FAM120B: variants seen among roughly 807,000 people sequenced by gnomAD.
FAM120B encodes the protein constitutive coactivator of peroxisome proliferator-activated receptor gamma.
A neutral mutation model predicts 96.3 loss-of-function variants in FAM120B; 83 were observed. The ratio of observed to expected loss-of-function variants is 0.86; its 90% confidence interval spans 0.72 to 1.03. The LOEUF is 1.03. Among genes scored for constraint, FAM120B ranks in the 50% least tolerant of loss-of-function variants. FAM120B has a pLI of 0.00. For synonymous variants in FAM120B, 407 were observed against 402.7 expected (o/e 1.01, Z -0.13); for missense variants, 1,027 against 1,121.2 (o/e 0.92, Z 1.20).
chr6:170,326,607 G>A (rs766325375), intron 3 of FAM120B, among the ~76,000 whole-genome samples: 21 of 152,118 alleles, frequency 1.4e-4, no homozygotes, highest in Admixed American at 7.9e-4. Context: ...CACAGTCCCC[G>A]TCACAACTAC....
rs1371014614 is a variant in FAM120B, at chr6:170,373,594, T to C, written c.2284-14693T>C. 3.9e-5 allele frequency among the ~76,000 whole-genome samples: 6 copies of C among 152,314 alleles called. No individual in the cohort carries two copies. In the East Asian group the frequency reaches 1.2e-3, roughly 29 times the overall value. ...TGATTAGTAATTTGAAAATTGGTCT[T>C]TGTTACCAAGCTTTTCACAAGTCCC... On this transcript the variant is annotated intron_variant, in intron 6 of 10. Transcript: ENST00000476287.
At position 170,323,033 on chromosome 6, in the gene FAM120B, A is replaced by G. The variant is rs78865601; in HGVS notation, c.1735-46A>G. The G allele has an allele frequency of 2.8e-3, 4,240 of 1,527,234 alleles. 102 individuals carry two copies. In the African/African-American group the frequency reaches 0.053, roughly 19 times the overall value. The allele number at this position is 1,527,234 out of a possible 1,614,324, so 94.6% of individuals were successfully genotyped here. A position where few individuals can be genotyped will look rare whatever the true frequency, so the allele number is the denominator to read the frequency against. Reference sequence around the variant, plus strand: ...TGACTTTTTCTATTTGAAGGTTACTATCCTGTTTTTAAGGAGAAATTCAGT... The same window carrying G: ...TGACTTTTTCTATTTGAAGGTTACTGTCCTGTTTTTAAGGAGAAATTCAGT... On this transcript the variant is annotated intron_variant, in intron 2 of 10. Transcript: ENST00000476287.
chr6:170,337,521 G>C (rs897454896), intron 4 of FAM120B, among the ~76,000 whole-genome samples: 1 of 152,050 alleles, frequency 6.6e-6, no homozygotes, highest in Non-Finnish European at 1.5e-5. Context: ...GCCAGTTTTG[G>C]TATCAGGATG....
intron 8 of FAM120B, among the ~76,000 whole-genome samples, chr6:170,391,403 C>T (rs751189305): frequency 6.6e-5 from 10 of 152,050 alleles, no homozygotes; most frequent in Admixed American, 1.3e-4. Context: ...GGCGTGTTGG[C>T]GGGCGCCTGT....
intron 7 of FAM120B, among the ~76,000 whole-genome samples, chr6:170,390,535 A>G (rs892984964): frequency 1.3e-5 from 2 of 151,756 alleles, no homozygotes; most frequent in African/African-American, 4.8e-5. Flanking sequence ...CTTGAAGGAA[A>G]GGTTGAATGT....
At chr6:170,357,414 T>A (rs1369824061) in intron 5 of FAM120B, among the ~76,000 whole-genome samples, 1 of 152,198 alleles carries the variant, frequency 6.6e-6, no homozygotes, top group Non-Finnish European at 1.5e-5. Flanking sequence ...CTCCATCATC[T>A]ACTCCACACC....
intron 6 of FAM120B, among the ~76,000 whole-genome samples, chr6:170,361,240 G>GTGTA (rs1562567312): frequency 2.3e-5 from 1 of 42,652 alleles, no homozygotes; most frequent in African/African-American, 7.9e-5. Flanking sequence ...ATATATACAC[G>GTGTA]TATATATATA....
chr6:170,395,540 C>T lies in FAM120B; in HGVS notation c.2653C>T (p.Arg885Cys), dbSNP rs1197721716. 3 of 1,600,404 alleles carry T rather than the reference C, an allele frequency of 1.9e-6. No homozygotes were observed. Among genetic ancestry groups the T allele is most frequent in the African/African-American group, 1.3e-5 (1 of 74,734 alleles). ...CCACAGGACGGGCTCTGGGTATAGC[C>T]GTTCCAGTCAGGGACAGCCGTGGAG... ...SYHRTGSGYS[R>C]SSQGQPWRDQ... is the part of the protein sequence containing the mutation. Residue 885 changes from arginine (R) to cysteine (C), a missense_variant, in exon 9 of 11, where the codon CGT (arginine) becomes TGT (cysteine). Transcript: ENST00000476287.
intron 3 of FAM120B, among the ~76,000 whole-genome samples, chr6:170,324,877 A>T (rs1785496534): frequency 6.6e-6 from 1 of 152,228 alleles, no homozygotes; most frequent in Non-Finnish European, 1.5e-5. Context: ...TTAGTTTATG[A>T]TCCCATTTGT....
upstream of FAM120B, among the ~76,000 whole-genome samples, chr6:170,295,066 C>A (rs1401385865): frequency 2.0e-5 from 3 of 152,228 alleles, no homozygotes; most frequent in African/African-American, 7.2e-5. The surrounding 1 kb of genome is among the most constrained non-coding windows in gnomAD (Gnocchi z 7.8). Flanking sequence ...CATTCTCCTT[C>A]CGTCAGTTTT....
Position 170,317,866 on chromosome 6 carries a change from C to G in FAM120B, c.476C>G (p.Ala159Gly). Residue 159 changes from alanine to glycine, a missense_variant, in exon 2 of 11, where the codon GCA (alanine) becomes GGA (glycine). Physicochemically the swap from Ala to Gly is moderately conservative, Grantham distance 60. Transcript: ENST00000476287. Reference sequence around the variant, plus strand: ...GAAACTTTGTGTTCTTTGCAGGAAGCAGATTATGAGGTAGCTTCCTATGGC... The same window carrying G: ...GAAACTTTGTGTTCTTTGCAGGAAGGAGATTATGAGGTAGCTTCCTATGGC... ...GQETLCSLQE[A>G]DYEVASYGLQ... 6.2e-7 allele frequency: 1 copy of G among 1,614,212 alleles called. No homozygotes were observed. Among genetic ancestry groups the G allele is most frequent in the Non-Finnish European group, 8.5e-7 (1 of 1,180,038 alleles).
At position 170,388,357 on chromosome 6, in the gene FAM120B, T is replaced by C; in HGVS notation, c.2354T>C (p.Leu785Ser). ...GTCCGCGGCCTCACCACTCTGGTTT[T>C]AGTCAACAGCGCATGTGGCTTCCCC... is the stretch of plus-strand genomic sequence containing the variant. Reference protein sequence around the residue: ...LLVRGLTTLVLVNSACGFPWK... With the variant: ...LLVRGLTTLVSVNSACGFPWK... Residue 785 changes from leucine to serine, a missense_variant, in exon 7 of 11, where the codon TTA becomes TCA. Coordinates refer to ENST00000476287, the MANE Select transcript of FAM120B (RefSeq NM_032448.3). 6.2e-7 allele frequency: 1 copy of C among 1,614,216 alleles called. No homozygotes were observed. Among genetic ancestry groups the C allele is most frequent in the Non-Finnish European group, 8.5e-7 (1 of 1,180,036 alleles).
At chr6:170,296,662 T>C (rs935794994) in intron 1 of FAM120B, among the ~76,000 whole-genome samples, 4 of 151,888 alleles carry the variant, frequency 2.6e-5, no homozygotes, top group African/African-American at 9.7e-5. Flanking sequence ...GCGCGCCCTT[T>C]GTGCGCTCTT....
At chr6:170,378,555 G>A (rs1385173106) in intron 6 of FAM120B, among the ~76,000 whole-genome samples, 2 of 152,244 alleles carry the variant, frequency 1.3e-5, no homozygotes, top group African/African-American at 4.8e-5. Context: ...AAGAGAATGG[G>A]TATCAGTGAG....
At chr6:170,401,666 T>C (rs1343104688) in intron 9 of FAM120B, among the ~76,000 whole-genome samples, 2 of 152,186 alleles carry the variant, frequency 1.3e-5, no homozygotes, top group Non-Finnish European at 2.9e-5. Flanking sequence ...ACAGGCTGAG[T>C]ATCCCAAGTC....
intron 1 of FAM120B, among the ~76,000 whole-genome samples, chr6:170,299,447 T>C (rs946620532): frequency 1.3e-5 from 2 of 152,240 alleles, no homozygotes; most frequent in African/African-American, 4.8e-5. Context: ...TATAGGCTTA[T>C]CAGTTGTATC....
At position 170,295,766 on chromosome 6, in the gene FAM120B, C is replaced by G. The variant is rs1783985542; in HGVS notation, c.48+313C>G. Among the ~76,000 whole-genome samples, 1 of 152,126 alleles carries G rather than the reference C, an allele frequency of 6.6e-6. No individual in the cohort carries two copies. The highest frequency in any genetic ancestry group is 6.5e-5 in the Admixed American group (1 of 15,286). ...ACAGGAAGACGGGCTCCAACCCCAC[C>G]TGGTTCGTGTCGGGGGGTCGTTTTG... On this transcript the variant is annotated intron_variant, in intron 1 of 10. Transcript: ENST00000537664. The surrounding 1 kb of genome is among the most constrained non-coding windows in gnomAD (Gnocchi z 7.8).
intron 5 of FAM120B, among the ~76,000 whole-genome samples, chr6:170,357,334 G>A (rs978226076): frequency 3.3e-5 from 5 of 152,136 alleles, no homozygotes; most frequent in African/African-American, 1.2e-4. Context: ...AGGGGAAGGG[G>A]TGGCACCGTC....
At chr6:170,359,100 A>G (rs1013035975) in intron 6 of FAM120B, among the ~76,000 whole-genome samples, 1 of 152,118 alleles carries the variant, frequency 6.6e-6, no homozygotes, top group Admixed American at 6.5e-5. Flanking sequence ...AATGGCTTTT[A>G]CTCAAACCTC....
Sources: allele counts gnomAD v4.1 joint callset (sites outside exome capture counted in the v4.1 genomes callset), GRCh38; gene constraint gnomAD v4.1.1; non-coding constraint Gnocchi (gnomAD v3.1); transcripts MANE v1.5; gene names NCBI Gene and HGNC (gene_info 2026-07-23, HGNC 2026-07-21).